Variants in RALGPS2 observed in about 807,000 individuals in gnomAD.
RALGPS2 encodes Ral GEF with PH domain and SH3 binding motif 2, also known as ras-specific guanine nucleotide-releasing factor RalGPS2.
Under a neutral mutation model 86.8 loss-of-function variants are expected in RALGPS2, and 43 were observed. That is an observed-to-expected ratio of 0.50 (90% CI 0.39 to 0.64). The LOEUF is 0.64. Among genes scored for constraint, RALGPS2 ranks in the 30% least tolerant of loss-of-function variants. RALGPS2 has a pLI of 0.00. For synonymous variants in RALGPS2, 243 were observed against 231.3 expected, an observed-to-expected ratio of 1.05 and a Z score of -0.46; for missense variants, 536 against 694.6, an observed-to-expected ratio of 0.77 and a Z score of 2.57.
At chr1:178,799,423 A>G (rs1271948621) in intron 4 of RALGPS2, among the ~76,000 whole-genome samples, 1 of 152,126 alleles carries the variant, frequency 6.6e-6, no homozygotes, top group African/African-American at 2.4e-5. Flanking sequence ...AGAGGCAAGC[A>G]CCACAATTTA....
In RALGPS2 at chr1:178,821,717, CT is replaced by C; in HGVS notation, c.480+16del. 6.3e-7 allele frequency: 1 copy of C among 1,580,590 alleles called. No individual in the cohort carries two copies. The highest frequency in any genetic ancestry group is 1.1e-5 in the South Asian group (1 of 89,138). ...TAAAACATGGGCGGTGAGTAATATT[CT>C]TTAGTTAATGAAAGGTTAGACTTCC... On this transcript the variant is annotated intron_variant, in intron 7 of 19. Transcript: ENST00000367635.
At chr1:178,885,582 C>T (rs2102378707) in intron 12 of RALGPS2, 1 of 189,092 alleles carries the variant, frequency 5.3e-6, no homozygotes, top group East Asian at 1.4e-4. Context: ...AAATTATTTT[C>T]TTTATTCCTA....
intron 7 of RALGPS2, among the ~76,000 whole-genome samples, chr1:178,825,178 T>A (rs1238719540): frequency 6.6e-6 from 1 of 152,210 alleles, no homozygotes; most frequent in Non-Finnish European, 1.5e-5. Flanking sequence ...CAGGTTCAGA[T>A]ATTCAGCATA....
chr1:178,757,827 C>A (rs1297750974), intron 1 of RALGPS2, among the ~76,000 whole-genome samples: 1 of 152,022 alleles, frequency 6.6e-6, no homozygotes, highest in Non-Finnish European at 1.5e-5. Context: ...GGGAGGAGTC[C>A]CCCCTCCTTG....
chr1:178,807,609 G>A (rs1471980060), intron 4 of RALGPS2, among the ~76,000 whole-genome samples: 1 of 152,076 alleles, frequency 6.6e-6, no homozygotes, highest in Non-Finnish European at 1.5e-5. Context: ...CACTTTTTGG[G>A]GATCATGATC....
rs554256202 is a variant in RALGPS2, at chr1:178,877,272, A to G, written c.608-226A>G. 3.3e-5 allele frequency among the ~76,000 whole-genome samples: 5 copies of G among 152,268 alleles called. No individual in the cohort carries two copies. The East Asian group carries it at 7.7e-4, about 23-fold the overall frequency. On this transcript the variant is annotated intron_variant, in intron 8 of 19. Transcript: ENST00000367635. ...ATGAAATCACAAGAAGACATTTACA[A>G]AATAGCATATTATTACAAAAAATTG... is the stretch of plus-strand genomic sequence containing the variant.
At chr1:178,775,047 C>G (rs1653008790) in intron 1 of RALGPS2, among the ~76,000 whole-genome samples, 1 of 152,118 alleles carries the variant, frequency 6.6e-6, no homozygotes, top group South Asian at 2.1e-4. Context: ...ATTTAAGAGA[C>G]TCTGTTGAAT....
chr1:178,851,115 G>A (rs771436728), intron 8 of RALGPS2: 16 of 1,606,088 alleles, frequency 1.0e-5, no homozygotes, highest in Non-Finnish European at 1.2e-5. Flanking sequence ...ATTTAAATTG[G>A]CGAGTGTCTC....
At chr1:178,884,483 G>A (rs1020585352) in intron 11 of RALGPS2, among the ~76,000 whole-genome samples, 1 of 152,256 alleles carries the variant, frequency 6.6e-6, no homozygotes, top group African/African-American at 2.4e-5. Flanking sequence ...GTGAAGTGGA[G>A]AAACAAACCA....
At chr1:178,740,893 T>A (rs1572273331) in intron 1 of RALGPS2, among the ~76,000 whole-genome samples, 2 of 152,324 alleles carry the variant, frequency 1.3e-5, no homozygotes, top group Non-Finnish European at 2.9e-5. Context: ...AAACTCTCTG[T>A]CTCATTTCTC....
At chr1:178,794,288 T>C (rs1473759371) in intron 4 of RALGPS2, among the ~76,000 whole-genome samples, 1 of 152,126 alleles carries the variant, frequency 6.6e-6, no homozygotes, top group Non-Finnish European at 1.5e-5. Flanking sequence ...AGCTAATTTT[T>C]GTATTTTTTG....
chr1:178,737,625 C>G (rs936851186), intron 1 of RALGPS2, among the ~76,000 whole-genome samples: 1 of 152,150 alleles, frequency 6.6e-6, no homozygotes, highest in Admixed American at 6.5e-5. Context: ...TTTCCTATGT[C>G]AGAATATATT....
At chr1:178,827,690 C>T (rs1053802457) in intron 7 of RALGPS2, among the ~76,000 whole-genome samples, 7 of 152,216 alleles carry the variant, frequency 4.6e-5, no homozygotes, top group African/African-American at 1.2e-4. Context: ...CCACCGCGCC[C>T]GGCCCATACT....
rs985403574 is a variant in RALGPS2 at position 178,776,656 on chromosome 1, T to C, written c.-83-26T>C. 3.7e-5 allele frequency: 28 copies of C among 766,288 alleles called. No homozygotes were observed. The Admixed American group carries it at 9.6e-4, about 26-fold the overall frequency. The allele number at this position is 766,288 out of a possible 1,614,324, so 47.5% of individuals were successfully genotyped here. ...TTTCTTGAACTTCGAGGAAGACATTTGCTTAACTTTTTTTTTTTTTTACAG... is the reference window on the plus strand; with the variant it reads ...TTTCTTGAACTTCGAGGAAGACATTCGCTTAACTTTTTTTTTTTTTTACAG... On this transcript the variant is annotated intron_variant, in intron 1 of 19. Transcript: ENST00000367635.
At chr1:178,780,659 A>G (rs769535989) in intron 2 of RALGPS2, among the ~76,000 whole-genome samples, 11 of 152,166 alleles carry the variant, frequency 7.2e-5, no homozygotes, top group Non-Finnish European at 1.5e-4. Context: ...TTGTCTGTAT[A>G]AACTATTACA....
chr1:178,804,505 C>T (rs11807349), intron 4 of RALGPS2, among the ~76,000 whole-genome samples: 32,567 of 137,990 alleles, frequency 0.24, 4,524 homozygotes, highest in Non-Finnish European at 0.32. Flanking sequence ...TCAGTTCCCA[C>T]CTATGAGTGA....
intron 7 of RALGPS2, among the ~76,000 whole-genome samples, chr1:178,832,260 T>C (rs1656060516): frequency 6.6e-6 from 1 of 152,174 alleles, no homozygotes; most frequent in Admixed American, 6.5e-5. Flanking sequence ...CCCTTGACGT[T>C]GTATTTTAAA....
At chr1:178,865,821 G>A (rs370418394) in intron 8 of RALGPS2, 1 of 1,442,460 alleles carries the variant, frequency 6.9e-7, no homozygotes, top group Non-Finnish European at 9.3e-7. Context: ...AAACAAATCA[G>A]TGAAGGAGAA....
Position 178,917,726 on chromosome 1 carries a change from A to T in RALGPS2, c.*1367A>T, listed in dbSNP as rs932360184. On this transcript the variant is annotated 3_prime_UTR_variant, in exon 20 of 20. Coordinates refer to ENST00000367635, the MANE Select transcript of RALGPS2 (RefSeq NM_152663.5). Reference sequence around the variant, plus strand: ...AGTAAATGTTGAATTATTAAAAAAAAAGTTTGAAGGTAAGATGCCTTAGAA... The same window carrying T: ...AGTAAATGTTGAATTATTAAAAAAATAGTTTGAAGGTAAGATGCCTTAGAA... The T allele has an allele frequency of 6.6e-6, 1 of 152,144 alleles. No individual in the cohort carries two copies. Among genetic ancestry groups the T allele is most frequent in the African/African-American group, 2.4e-5 (1 of 41,450 alleles). The allele number at this position is 152,144 out of a possible 1,614,324, so 9.4% of individuals were successfully genotyped here.
Sources: allele counts gnomAD v4.1 joint callset (sites outside exome capture counted in the v4.1 genomes callset), GRCh38; gene constraint gnomAD v4.1.1; transcripts MANE v1.5; gene names NCBI Gene and HGNC (gene_info 2026-07-23, HGNC 2026-07-21).